The following PIK3CB variants were observed in gnomAD, a reference collection of about 807,000 sequenced individuals.
PIK3CB encodes the protein phosphatidylinositol-4,5-bisphosphate 3-kinase catalytic subunit beta, also known as phosphatidylinositol 4,5-bisphosphate 3-kinase catalytic subunit beta isoform.
In PIK3CB, 39 loss-of-function variants were observed where a neutral mutation model predicts 136.8. That is an observed-to-expected ratio of 0.29 (90% CI 0.22 to 0.37). PIK3CB has a LOEUF of 0.37. Among genes scored for constraint, PIK3CB ranks in the 10% least tolerant of loss-of-function variants. PIK3CB has a pLI of 1.00. For missense variants in PIK3CB, 868 were observed against 1,275.4 expected (o/e 0.68, Z 4.87); for synonymous variants, 428 against 436.6 (o/e 0.98, Z 0.25).
intron 2 of PIK3CB, among the ~76,000 whole-genome samples, chr3:138,788,790 C>G (rs947273506): frequency 6.6e-6 from 1 of 151,358 alleles, no homozygotes; most frequent in East Asian, 1.9e-4. Context: ...TGGTGAAACC[C>G]CGTATCTACT....
intron 1 of PIK3CB, among the ~76,000 whole-genome samples, chr3:138,821,588 C>T (rs1933566252): frequency 6.6e-6 from 1 of 151,386 alleles, no homozygotes; most frequent in African/African-American, 2.4e-5. Flanking sequence ...AGGTCAAGAC[C>T]AGCCAGACCA....
intron 1 of PIK3CB, among the ~76,000 whole-genome samples, chr3:138,833,735 T>C (rs1463024381): frequency 6.6e-6 from 1 of 152,200 alleles, no homozygotes; most frequent in African/African-American, 2.4e-5. Context: ...TCTTCGTGTG[T>C]TTATAACTCT....
rs536940562 is a variant in PIK3CB at position 138,675,257 on chromosome 3, T to TA, written c.2504+6709dup. On this transcript the variant is annotated intron_variant, in intron 19 of 23. Transcript: ENST00000674063. ...TTGGCAAACTTGTGGATAGGTCAAT[T>TA]ATCCAATCAGAGAAACAAAAGAAAA... Among the ~76,000 whole-genome samples the TA allele has an allele frequency of 3.7e-3, 569 of 152,032 alleles. 5 individuals are homozygous for TA. Among genetic ancestry groups the TA allele is most frequent in the Middle Eastern group, 0.027 (8 of 294 alleles).
In PIK3CB at chr3:138,702,026, A is replaced by G. The variant is rs759948882; in HGVS notation, c.1581+2417T>C. The stretch of plus-strand genomic sequence containing the variant: ...TATAAAGTTAGGATTGATAGCTACA[A>G]ATTAAACTGTTTACAATTAGCTCTG... On this transcript the variant is annotated intron_variant, in intron 12 of 23. Coordinates refer to ENST00000674063, the MANE Select transcript of PIK3CB (RefSeq NM_006219.3). Among the ~76,000 whole-genome samples the G allele has an allele frequency of 1.3e-3, 199 of 151,506 alleles. 2 individuals carry two copies. The highest frequency in any genetic ancestry group is 8.5e-4 in the Non-Finnish European group (58 of 67,892).
intron 14 of PIK3CB, among the ~76,000 whole-genome samples, chr3:138,692,994 T>C (rs920381679): frequency 2.0e-5 from 3 of 152,234 alleles, no homozygotes; most frequent in Non-Finnish European, 2.9e-5. Context: ...TATATCCCTA[T>C]GACAGAATAT....
At chr3:138,750,945 G>A (rs2045459088) in intron 4 of PIK3CB, among the ~76,000 whole-genome samples, 1 of 152,116 alleles carries the variant, frequency 6.6e-6, no homozygotes, top group Admixed American at 6.6e-5. Context: ...AAAATTTCAA[G>A]TATAAACACT....
chr3:138,795,892 G>A (rs896618234), intron 2 of PIK3CB, among the ~76,000 whole-genome samples: 3 of 152,040 alleles, frequency 2.0e-5, no homozygotes, highest in African/African-American at 7.2e-5. Flanking sequence ...ATTCCTAACT[G>A]TCAAATCCAA....
intron 1 of PIK3CB, among the ~76,000 whole-genome samples, chr3:138,818,700 G>A (rs1933436304): frequency 6.6e-6 from 1 of 152,094 alleles, no homozygotes; most frequent in Non-Finnish European, 1.5e-5. Context: ...AAAATGCCAG[G>A]CTCCCTCCTG....
Position 138,704,451 on chromosome 3 carries a change from T to C in PIK3CB, c.1573A>G (p.Asn525Asp). The change falls in exon 12 of 24, where the codon AAT becomes GAT. Residue 525 changes from asparagine to aspartate, a missense_variant. Transcript: ENST00000674063. ...AAACTCTTGATACTTACTGACACAT[T>C]AGCACTATCACTGCTTGCAATCTCA... ...AAEIASSDSANVSSRGGKKFL... is the reference protein window; with the variant it reads ...AAEIASSDSADVSSRGGKKFL... 1.2e-6 allele frequency: 2 copies of C among 1,603,244 alleles called. No homozygotes were observed. The highest frequency in any genetic ancestry group is 1.7e-6 in the Non-Finnish European group (2 of 1,170,072).
At chr3:138,751,167 A>C (rs1176449379) in intron 4 of PIK3CB, among the ~76,000 whole-genome samples, 1 of 152,194 alleles carries the variant, frequency 6.6e-6, no homozygotes, top group Non-Finnish European at 1.5e-5. Context: ...TCTTAAATAC[A>C]GAAATTTTAG....
At chr3:138,730,487 T>A (rs2044946657) in intron 8 of PIK3CB, among the ~76,000 whole-genome samples, 1 of 152,004 alleles carries the variant, frequency 6.6e-6, no homozygotes, top group Admixed American at 6.6e-5. Flanking sequence ...AACCTGCAAA[T>A]GGGAAGAACA....
intron 4 of PIK3CB, among the ~76,000 whole-genome samples, chr3:138,752,233 G>T (rs1476961600): frequency 6.6e-6 from 1 of 151,896 alleles, no homozygotes; most frequent in Non-Finnish European, 1.5e-5. Context: ...AAAAAAAAAA[G>T]ATTAGCCACA....
Position 138,654,480 on chromosome 3 carries a change from T to C in PIK3CB, c.*909A>G, listed in dbSNP as rs570998707. ...TCAGATCTGGAGTTTATTCCATAAA[T>C]AGGTTTCTTTTCATTTGCTTGCTTT... On this transcript the variant is annotated 3_prime_UTR_variant, in exon 24 of 24. Coordinates refer to ENST00000674063, the MANE Select transcript of PIK3CB (RefSeq NM_006219.3). 5.3e-4 allele frequency: 120 copies of C among 228,472 alleles called. No homozygotes were observed. In the East Asian group the frequency reaches 7.4e-3, roughly 14 times the overall value. The allele number at this position is 228,472 out of a possible 1,614,324, so 14.2% of individuals were successfully genotyped here. A position where few individuals can be genotyped will look rare whatever the true frequency, so the allele number is the denominator to read the frequency against.
chr3:138,786,765 G>T (rs1432103859), intron 2 of PIK3CB, among the ~76,000 whole-genome samples: 1 of 152,042 alleles, frequency 6.6e-6, no homozygotes, highest in African/African-American at 2.4e-5. Flanking sequence ...TATTTAACAT[G>T]GTTTAAAAAA....
intron 18 of PIK3CB, among the ~76,000 whole-genome samples, chr3:138,683,140 C>A (rs939358865): frequency 2.6e-5 from 4 of 151,980 alleles, no homozygotes; most frequent in African/African-American, 7.2e-5. Context: ...ATCACTTGAG[C>A]TCAGGAGTTC....
At chr3:138,697,616 A>G (rs1195664784) in intron 13 of PIK3CB, among the ~76,000 whole-genome samples, 3 of 152,084 alleles carry the variant, frequency 2.0e-5, no homozygotes, top group South Asian at 2.1e-4. Flanking sequence ...TATTTGTTGT[A>G]GAGACAAGGT....
At chr3:138,737,034 A>G in intron 6 of PIK3CB, among the ~76,000 whole-genome samples, 1 of 152,150 alleles carries the variant, frequency 6.6e-6, no homozygotes, top group East Asian at 1.9e-4. Flanking sequence ...AGCAGCTATA[A>G]GTGTTAAAAA....
At position 138,733,416 on chromosome 3, in the gene PIK3CB, G is replaced by T; in HGVS notation, c.995C>A (p.Pro332His). The T allele has an allele frequency of 1.3e-6, 2 of 1,554,486 alleles. No individual in the cohort carries two copies. Among genetic ancestry groups the T allele is most frequent in the Non-Finnish European group, 1.8e-6 (2 of 1,129,052 alleles). The change falls in exon 8 of 24, where the codon CCT (proline) becomes CAT (histidine). Residue 332 changes from proline to histidine, a missense_variant. Around this residue, in one of 4 missense-constraint regions of PIK3CB, gnomAD observed 612 missense variants for 801.1 expected, o/e 0.76. Coordinates refer to ENST00000674063, the MANE Select transcript of PIK3CB (RefSeq NM_006219.3). ...TCCCTTAACCAAGACAATTTGGAAA[G>T]GGTTGTTATTTTCCCAAACATGCTG... ...IISHVWENNNPFQIVLVKGNK... is the reference protein window; with the variant it reads ...IISHVWENNNHFQIVLVKGNK...
chr3:138,726,851 G>A (rs546869804), intron 8 of PIK3CB, among the ~76,000 whole-genome samples: 1 of 150,896 alleles, frequency 6.6e-6, no homozygotes, highest in African/African-American at 2.4e-5. Flanking sequence ...AGGCCAACCT[G>A]GACAACACAG....
Sources: allele counts gnomAD v4.1 joint callset (sites outside exome capture counted in the v4.1 genomes callset), GRCh38; gene constraint gnomAD v4.1.1; regional missense constraint gnomAD v4.1.1; transcripts MANE v1.5; gene names NCBI Gene and HGNC (gene_info 2026-07-23, HGNC 2026-07-21).